Variants in SPAG16 observed in about 807,000 individuals in gnomAD.
The protein encoded by SPAG16 is sperm associated antigen 16.
In SPAG16, 86 loss-of-function variants were observed where a neutral mutation model predicts 80.4. That is an observed-to-expected ratio of 1.07 (90% CI 0.90 to 1.28). SPAG16 has a LOEUF of 1.28. Among genes scored for constraint, SPAG16 ranks in the 50% most tolerant of loss-of-function variants. SPAG16 has a pLI of 0.00. For synonymous variants in SPAG16, 294 were observed against 265.9 expected, an observed-to-expected ratio of 1.11 and a Z score of -1.03; for missense variants, 870 against 765.3, an observed-to-expected ratio of 1.14 and a Z score of -1.61.
At chr2:213,842,808 C>G (rs187805831) in intron 10 of SPAG16, among the ~76,000 whole-genome samples, 2 of 152,152 alleles carry the variant, frequency 1.3e-5, no homozygotes, top group East Asian at 1.9e-4. Context: ...GCTCTGTCAC[C>G]CAGGATGGAG....
At chr2:213,488,947 C>T (rs546860871) in intron 9 of SPAG16, among the ~76,000 whole-genome samples, 6 of 151,630 alleles carry the variant, frequency 4.0e-5, no homozygotes, top group East Asian at 3.9e-4. Flanking sequence ...TGGTGGCACG[C>T]GCCTGTAGTC....
intron 10 of SPAG16, among the ~76,000 whole-genome samples, chr2:213,799,316 A>T (rs1204004657): frequency 2.0e-5 from 3 of 152,078 alleles, no homozygotes; most frequent in African/African-American, 7.2e-5. Context: ...TAAATATTTT[A>T]TTCTTCTGGA....
chr2:213,540,537 ATTTC>A (rs957597396), intron 10 of SPAG16, among the ~76,000 whole-genome samples: 1 of 152,062 alleles, frequency 6.6e-6, no homozygotes, highest in African/African-American at 2.4e-5. Flanking sequence ...TTCTGTCATT[ATTTC>A]TTTTCATCTT....
chr2:214,383,230 A>G (rs1159638746), intron 15 of SPAG16, among the ~76,000 whole-genome samples: 1 of 152,174 alleles, frequency 6.6e-6, no homozygotes, highest in East Asian at 1.9e-4. Flanking sequence ...GGCATATAAT[A>G]AGGGGTCCTA....
chr2:214,200,516 A>G (rs1034641213), intron 15 of SPAG16, among the ~76,000 whole-genome samples: 1 of 152,026 alleles, frequency 6.6e-6, no homozygotes, highest in East Asian at 1.9e-4. Context: ...TTTTGCATCT[A>G]TGTTCATCAG....
intron 7 of SPAG16, among the ~76,000 whole-genome samples, chr2:213,358,655 A>G (rs2065806790): frequency 6.6e-6 from 1 of 152,094 alleles, no homozygotes; most frequent in Non-Finnish European, 1.5e-5. Flanking sequence ...TTAGCCATTC[A>G]TCTAACCTTT....
intron 10 of SPAG16, among the ~76,000 whole-genome samples, chr2:213,771,290 C>T (rs982627802): frequency 6.6e-6 from 1 of 151,772 alleles, no homozygotes; most frequent in Non-Finnish European, 1.5e-5. Context: ...TGTCCTTTGT[C>T]CACTTTTTAA....
At chr2:214,004,711 G>T (rs1372811735) in intron 12 of SPAG16, among the ~76,000 whole-genome samples, 1 of 151,898 alleles carries the variant, frequency 6.6e-6, no homozygotes, top group Non-Finnish European at 1.5e-5. Context: ...AAATGGGGCT[G>T]GGTCATCCTA....
chr2:214,094,627 C>T (rs1485298739), intron 13 of SPAG16, among the ~76,000 whole-genome samples: 4 of 152,016 alleles, frequency 2.6e-5, no homozygotes, highest in Non-Finnish European at 5.9e-5. Context: ...AAGAATTATT[C>T]CCAGGCCTTG....
chr2:213,524,735 G>A (rs991235073), intron 10 of SPAG16, among the ~76,000 whole-genome samples: 3 of 152,236 alleles, frequency 2.0e-5, no homozygotes, highest in Non-Finnish European at 2.9e-5. Context: ...TTGAATGGGT[G>A]TATTTACCTA....
At chr2:214,044,839 T>G (rs1047772575) in intron 13 of SPAG16, among the ~76,000 whole-genome samples, 1 of 152,164 alleles carries the variant, frequency 6.6e-6, no homozygotes, top group Non-Finnish European at 1.5e-5. Context: ...GAGGAAGTGT[T>G]TAAACCAGCC....
At chr2:213,625,386 G>T (rs1429311371) in intron 10 of SPAG16, among the ~76,000 whole-genome samples, 1 of 151,896 alleles carries the variant, frequency 6.6e-6, no homozygotes, top group Non-Finnish European at 1.5e-5. Flanking sequence ...GTTTCACATT[G>T]CATGCCTGTA....
intron 10 of SPAG16, among the ~76,000 whole-genome samples, chr2:213,790,527 G>A (rs1195984029): frequency 1.3e-5 from 2 of 151,424 alleles, no homozygotes; most frequent in Admixed American, 6.6e-5. Context: ...TACCTCTTCT[G>A]TACTTATATT....
intron 10 of SPAG16, among the ~76,000 whole-genome samples, chr2:213,544,583 G>C (rs559484319): frequency 6.6e-6 from 1 of 152,088 alleles, no homozygotes; most frequent in African/African-American, 2.4e-5. Flanking sequence ...TATTCTATGG[G>C]TTTGGACAAA....
chr2:214,018,606 G>A (rs186776881), intron 13 of SPAG16, among the ~76,000 whole-genome samples: 45 of 152,144 alleles, frequency 3.0e-4, no homozygotes, highest in Non-Finnish European at 8.8e-5. Context: ...TTTAAAATAT[G>A]TTAATTCCTT....
At chr2:213,686,365 C>T (rs981944068) in intron 10 of SPAG16, among the ~76,000 whole-genome samples, 4 of 152,210 alleles carry the variant, frequency 2.6e-5, no homozygotes, top group African/African-American at 9.6e-5. Context: ...ATCCACCCAC[C>T]TTGGCCTCCC....
At chr2:213,813,044 A>G (rs1414705133) in intron 10 of SPAG16, among the ~76,000 whole-genome samples, 1 of 152,196 alleles carries the variant, frequency 6.6e-6, no homozygotes, top group Non-Finnish European at 1.5e-5. Context: ...ATTTCCTTTG[A>G]GAAGTTCTGC....
chr2:214,110,578 A>G (rs2125412729), intron 14 of SPAG16, among the ~76,000 whole-genome samples: 1 of 152,318 alleles, frequency 6.6e-6, no homozygotes, highest in East Asian at 1.9e-4. Context: ...GCTATTGTGA[A>G]TAGTGCTGCA....
At chr2:214,174,089 GCTAT>G (rs1308867178) in intron 15 of SPAG16, among the ~76,000 whole-genome samples, 3 of 151,884 alleles carry the variant, frequency 2.0e-5, no homozygotes, top group African/African-American at 7.3e-5. Flanking sequence ...AATAATAAGA[GCTAT>G]CTATCTATGA....
Sources: allele counts gnomAD v4.1 joint callset (sites outside exome capture counted in the v4.1 genomes callset), GRCh38; gene constraint gnomAD v4.1.1; transcripts MANE v1.5; gene names NCBI Gene and HGNC (gene_info 2026-07-23, HGNC 2026-07-21).